Variants in JAZF1 observed in about 807,000 individuals in gnomAD.
JAZF1 encodes JAZF zinc finger 1.
JAZF1 carries 8 observed loss-of-function variants against 26.4 expected under a neutral mutation model. The observed-to-expected ratio is 0.30, with a 90% CI of 0.18 to 0.55. JAZF1 has a LOEUF of 0.55. JAZF1 is among the 20% of genes least tolerant of loss of function. The pLI, the probability that JAZF1 is intolerant of heterozygous loss-of-function variation, is 0.94. For synonymous variants in JAZF1, 126 were observed against 122.3 expected (o/e 1.03, Z -0.20); for missense variants, 199 against 322.0 (o/e 0.62, Z 2.92).
At chr7:28,095,541 C>G (rs557015053) in intron 1 of JAZF1, among the ~76,000 whole-genome samples, 6 of 152,252 alleles carry the variant, frequency 3.9e-5, no homozygotes, top group Non-Finnish European at 5.9e-5. Context: ...TCTCCTTTGA[C>G]ACGTGGGGAT....
At chr7:27,973,105 G>A (rs1785408601) in intron 2 of JAZF1, among the ~76,000 whole-genome samples, 1 of 152,074 alleles carries the variant, frequency 6.6e-6, no homozygotes, top group African/African-American at 2.4e-5. Context: ...TTGTTAACTT[G>A]GGGTGGGGCA....
intron 1 of JAZF1, among the ~76,000 whole-genome samples, chr7:28,125,161 T>G (rs929316418): frequency 1.3e-5 from 2 of 150,858 alleles, no homozygotes; most frequent in African/African-American, 4.9e-5. Flanking sequence ...TTTTTTTTTT[T>G]TTGTTAACCC....
At chr7:27,847,756 C>G (rs1783056776) in intron 3 of JAZF1, among the ~76,000 whole-genome samples, 1 of 152,136 alleles carries the variant, frequency 6.6e-6, no homozygotes, top group Admixed American at 6.5e-5. Context: ...CAACCTCCGC[C>G]TCGTAGGTTC....
chr7:28,045,245 A>G (rs1250335713), intron 1 of JAZF1, among the ~76,000 whole-genome samples: 2 of 152,160 alleles, frequency 1.3e-5, no homozygotes. Context: ...CCTGAAGCCC[A>G]TTTTCCCTAA....
rs537545117 is a variant in JAZF1, at chr7:27,937,701, TATGAAA to T, written c.189-42291_189-42286del. On this transcript the variant is annotated intron_variant, in intron 2 of 4. Coordinates refer to ENST00000283928, the MANE Select transcript of JAZF1 (RefSeq NM_175061.4). ...ATGTATAACAACAGAATCAATATGC[TATGAAA>T]AAGCTTTATATTCCATTAGGAAATC... 7.4e-3 allele frequency among the ~76,000 whole-genome samples: 1,126 copies of T among 152,334 alleles called. 10 individuals are homozygous for T. The highest frequency in any genetic ancestry group is 0.011 in the Non-Finnish European group (753 of 68,034).
At position 27,840,444 on chromosome 7, in the gene JAZF1, AG is replaced by A. The variant is rs1381574456; in HGVS notation, c.555+253del. Among the ~76,000 whole-genome samples the A allele has an allele frequency of 6.6e-6, 1 of 152,254 alleles. No individual in the cohort carries two copies. Among genetic ancestry groups the A allele is most frequent in the Non-Finnish European group, 1.5e-5 (1 of 68,046 alleles). ...ATCAAAGACATGATCCTCCTACAAAAGCTCTCTCTTGACTGCCAGGCTCCCA... is the reference window on the plus strand; with the variant it reads ...ATCAAAGACATGATCCTCCTACAAAACTCTCTCTTGACTGCCAGGCTCCCA... On this transcript the variant is annotated intron_variant, in intron 4 of 4. Coordinates refer to ENST00000283928, the MANE Select transcript of JAZF1 (RefSeq NM_175061.4). The surrounding 1 kb of genome is among the most constrained non-coding windows in gnomAD (Gnocchi z 5.1).
intron 1 of JAZF1, among the ~76,000 whole-genome samples, chr7:28,104,304 A>T (rs1489676796): frequency 6.6e-6 from 1 of 152,068 alleles, no homozygotes; most frequent in African/African-American, 2.4e-5. Context: ...CACTTCATTT[A>T]TTTGTGGTCT....
At chr7:28,151,638 T>TA (rs1019067816) in intron 1 of JAZF1, among the ~76,000 whole-genome samples, 2 of 151,398 alleles carry the variant, frequency 1.3e-5, no homozygotes, top group African/African-American at 2.4e-5. Flanking sequence ...CTGTCTCTAC[T>TA]AAAAAAATAC....
intron 1 of JAZF1, among the ~76,000 whole-genome samples, chr7:28,161,164 T>G (rs370940708): frequency 2.0e-5 from 3 of 150,070 alleles, no homozygotes; most frequent in Admixed American, 1.3e-4. Context: ...TAATAATATG[T>G]AGCACAATTC....
At chr7:27,986,328 CAGAG>C (rs762773938) in intron 2 of JAZF1, among the ~76,000 whole-genome samples, 1 of 152,152 alleles carries the variant, frequency 6.6e-6, no homozygotes, top group Admixed American at 6.5e-5. Flanking sequence ...AACAGACAGA[CAGAG>C]AGCCAAATCA....
At chr7:27,898,556 C>T (rs1053782228) in intron 2 of JAZF1, among the ~76,000 whole-genome samples, 3 of 151,940 alleles carry the variant, frequency 2.0e-5, no homozygotes, top group Non-Finnish European at 2.9e-5. Context: ...GCACCTGCCT[C>T]GGCCTCCCAA....
rs377730656 is a variant in JAZF1 at position 27,982,216 on chromosome 7, C to T, written c.188+9693G>A. 2.6e-5 allele frequency among the ~76,000 whole-genome samples: 4 copies of T among 152,160 alleles called. No individual in the cohort carries two copies. In the East Asian group the frequency reaches 7.7e-4, roughly 29 times the overall value. ...CTTTCCTAGCAAAGGGAAGCCATGA[C>T]AGATGGTACCTGGAAAATCGGGACA... is the stretch of plus-strand genomic sequence containing the variant. On this transcript the variant is annotated intron_variant, in intron 2 of 4. Transcript: ENST00000283928.
intron 1 of JAZF1, among the ~76,000 whole-genome samples, chr7:28,042,565 G>A (rs1783411480): frequency 6.6e-6 from 1 of 152,194 alleles, no homozygotes; most frequent in African/African-American, 2.4e-5. Context: ...TGCTTGGCAG[G>A]AGGGATTGTT....
At chr7:28,072,787 T>C (rs1384584930) in intron 1 of JAZF1, among the ~76,000 whole-genome samples, 4 of 152,214 alleles carry the variant, frequency 2.6e-5, no homozygotes, top group Admixed American at 1.3e-4. Flanking sequence ...TTTGTATCAT[T>C]TAAATTTTTC....
At chr7:27,862,956 C>T (rs951276544) in intron 3 of JAZF1, among the ~76,000 whole-genome samples, 1 of 152,126 alleles carries the variant, frequency 6.6e-6, no homozygotes, top group Non-Finnish European at 1.5e-5. Flanking sequence ...AAATAGAGGA[C>T]AGCACTGAGA....
chr7:28,034,856 T>A (rs1182254302), intron 1 of JAZF1, among the ~76,000 whole-genome samples: 1 of 152,188 alleles, frequency 6.6e-6, no homozygotes, highest in African/African-American at 2.4e-5. Context: ...AATTTGCTAT[T>A]GAGTAAAAGG....
intron 2 of JAZF1, among the ~76,000 whole-genome samples, chr7:27,913,946 C>T (rs1374918700): frequency 1.3e-5 from 2 of 151,306 alleles, no homozygotes; most frequent in African/African-American, 4.9e-5. Context: ...ATGGGGGTTT[C>T]ATTGATGTGT....
chr7:27,845,080 T>C (rs1456206899), intron 3 of JAZF1, among the ~76,000 whole-genome samples: 1 of 152,246 alleles, frequency 6.6e-6, no homozygotes, highest in East Asian at 1.9e-4. Context: ...CAAGAAATGT[T>C]AATTTCCATA....
At chr7:27,943,701 T>C (rs1784883260) in intron 2 of JAZF1, among the ~76,000 whole-genome samples, 1 of 152,236 alleles carries the variant, frequency 6.6e-6, no homozygotes, top group Non-Finnish European at 1.5e-5. Flanking sequence ...GAGCATTCGC[T>C]GCTTTCCCAT....
Sources: gnomAD v4.1 joint callset for allele counts (sites outside exome capture counted in the v4.1 genomes callset) on GRCh38, gnomAD v4.1.1 for gene constraint, Gnocchi (gnomAD v3.1) non-coding constraint, MANE v1.5 for transcripts, NCBI Gene and HGNC (gene_info 2026-07-23, HGNC 2026-07-21) for gene names.